Variants in TPTE2 observed in about 807,000 individuals in gnomAD.
TPTE2 encodes the protein phosphatidylinositol 3,4,5-trisphosphate 3-phosphatase TPTE2.
In TPTE2, 53 loss-of-function variants were observed where a neutral mutation model predicts 78.6. That is an observed-to-expected ratio of 0.67 (90% CI 0.54 to 0.85). The LOEUF (loss-of-function observed/expected upper bound fraction) is 0.85, where lower values mean the gene tolerates loss of function less well. Among genes scored for constraint, TPTE2 ranks in the 40% least tolerant of loss-of-function variants. TPTE2 has a pLI of 0.00. For synonymous variants in TPTE2, 175 were observed against 206.2 expected (o/e 0.85, Z 1.30); for missense variants, 461 against 623.0 (o/e 0.74, Z 2.77).
At chr13:19,559,088 G>A in the TPTE2 span, among the ~76,000 whole-genome samples, 1 of 152,128 alleles carries the variant, frequency 6.6e-6, no homozygotes, top group Admixed American at 6.5e-5. Context: ...CACATTTCAG[G>A]ATCTGGTGTT....
the TPTE2 span, among the ~76,000 whole-genome samples, chr13:19,542,105 C>T: frequency 3.9e-5 from 6 of 152,082 alleles, no homozygotes; most frequent in Non-Finnish European, 5.9e-5. Context: ...TTCATAATAG[C>T]TTCTTTAAAA....
At chr13:19,560,638 G>C in the TPTE2 span, 1 of 1,567,854 alleles carries the variant, frequency 6.4e-7, no homozygotes, top group South Asian at 1.1e-5. Flanking sequence ...ATCAGGGCCA[G>C]CAGGGTCGGG....
At chr13:19,541,181 G>A (rs57697836), upstream of TPTE2, among the ~76,000 whole-genome samples, 333 of 152,304 alleles carry the variant, frequency 2.2e-3, 1 homozygote, top group African/African-American at 7.9e-3. Flanking sequence ...TTCTTGCCAG[G>A]TGGCTCATTC....
rs778679708 is a variant in TPTE2 at position 19,467,246 on chromosome 13, T to G, written c.491A>C (p.Lys164Thr). The G allele has an allele frequency of 9.4e-6, 15 of 1,589,512 alleles. No homozygotes were observed. In the African/African-American group the frequency reaches 1.8e-4, roughly 19 times the overall value. Residue 164 changes from lysine (K) to threonine (T), a missense_variant, in exon 7 of 20, where the codon AAG becomes ACG. Coordinates refer to ENST00000400230, the Ensembl canonical transcript of TPTE2. ...ATACCTGGGAATATTCCTAAGCAAC[T>G]TAATGTCAAAAAAAATGTAAATGAC...
intron 1 of TPTE2, among the ~76,000 whole-genome samples, chr13:19,512,247 T>C (rs374711195): frequency 1.8e-4 from 28 of 152,362 alleles, no homozygotes; most frequent in African/African-American, 6.7e-4. Context: ...ATTTAGGTTG[T>C]CTCTGAAAAG....
At chr13:19,499,176 T>A (rs569809573) in intron 1 of TPTE2, among the ~76,000 whole-genome samples, 6 of 151,970 alleles carry the variant, frequency 3.9e-5, no homozygotes, top group South Asian at 4.2e-4. Context: ...ACAAAGACAC[T>A]TAGACTCCCA....
chr13:19,473,842 C>T (rs1879775133), intron 6 of TPTE2, 72 bp downstream of exon 9: 13 of 1,337,968 alleles, frequency 9.7e-6, no homozygotes, highest in Non-Finnish European at 1.3e-5. Flanking sequence ...GATCCTCCCA[C>T]CTCAGCCTCC....
chr13:19,513,161 A>T (rs1239494851), intron 1 of TPTE2, among the ~76,000 whole-genome samples: 1 of 152,232 alleles, frequency 6.6e-6, no homozygotes, highest in Non-Finnish European at 1.5e-5. Context: ...AGTACCAATT[A>T]TATTTGAACA....
In TPTE2 at chr13:19,519,730, GTTC is replaced by G. The variant is rs141083537; in HGVS notation, c.-43-16456_-43-16454del. Reference sequence around the variant, plus strand: ...AAAGTGTGGACTCTGCAACTTCACTGTTCTTCTTCAAGATTGTTTTGGTTATTC... The same window carrying G: ...AAAGTGTGGACTCTGCAACTTCACTGTTCTTCAAGATTGTTTTGGTTATTC... On this transcript the variant is annotated intron_variant, in intron 1 of 17. Transcript: ENST00000390680. Among the ~76,000 whole-genome samples, 955 of 152,190 alleles carry G rather than the reference GTTC, an allele frequency of 6.3e-3. 10 individuals are homozygous for G. Among genetic ancestry groups the G allele is most frequent in the African/African-American group, 0.022 (927 of 41,530 alleles).
intron 1 of TPTE2, among the ~76,000 whole-genome samples, chr13:19,522,619 C>CTTTTTTTTTTTT (rs57248346): frequency 6.6e-5 from 8 of 121,648 alleles, no homozygotes; most frequent in South Asian, 2.5e-4. Flanking sequence ...CTTTTTTTTT[C>CTTTTTTTTTTTT]TTTTTTTTTT....
chr13:19,444,306 C>CAAAA (rs538483322), intron 13 of TPTE2, among the ~76,000 whole-genome samples: 1 of 39,772 alleles, frequency 2.5e-5, no homozygotes, highest in African/African-American at 8.6e-5. Flanking sequence ...GACTCTGCCA[C>CAAAA]AAAAAAAAAA....
chr13:19,518,771 G>A lies in TPTE2; in HGVS notation c.-43-15494C>T, dbSNP rs182369087. Among the ~76,000 whole-genome samples, 16 of 152,116 alleles carry A rather than the reference G, an allele frequency of 1.1e-4. No homozygotes were observed. In the East Asian group the frequency reaches 1.9e-3, roughly 18 times the overall value. ...AAGTCATCACTCCCATCTTCACAAC[G>A]GAAAAAAAGATAATCAAACTGAAAA... On this transcript the variant is annotated intron_variant, in intron 1 of 17. Coordinates refer to the TPTE2 transcript ENST00000390680.
At chr13:19,493,934 G>A (rs1279086976) in intron 1 of TPTE2, among the ~76,000 whole-genome samples, 1 of 152,198 alleles carries the variant, frequency 6.6e-6, no homozygotes, top group African/African-American at 2.4e-5. Context: ...CTAGAGGTCT[G>A]ACACAGGGGC....
chr13:19,488,904 C>T (rs1880815835), intron 3 of TPTE2, among the ~76,000 whole-genome samples: 2 of 152,144 alleles, frequency 1.3e-5, no homozygotes, highest in Non-Finnish European at 2.9e-5. Flanking sequence ...GAAGTCTAGC[C>T]TTGCTCACAA....
chr13:19,469,908 A>C (rs996992261), intron 6 of TPTE2, among the ~76,000 whole-genome samples: 3 of 152,198 alleles, frequency 2.0e-5, no homozygotes, highest in Non-Finnish European at 2.9e-5. Context: ...ATCAGTTCTA[A>C]TAGTTTTCTT....
At chr13:19,511,970 T>C (rs1227297730) in intron 1 of TPTE2, among the ~76,000 whole-genome samples, 3 of 152,172 alleles carry the variant, frequency 2.0e-5, no homozygotes, top group African/African-American at 7.2e-5. Context: ...ATACTGAACA[T>C]TGAAGATAGT....
At chr13:19,506,333 G>A (rs1258260141), upstream of TPTE2, among the ~76,000 whole-genome samples, 8 of 150,154 alleles carry the variant, frequency 5.3e-5, no homozygotes, top group Admixed American at 2.0e-4. Flanking sequence ...CACTACGCCC[G>A]GCTAATTTTT....
At chr13:19,463,069 T>C (rs943890534) in intron 10 of TPTE2, among the ~76,000 whole-genome samples, 58 of 152,106 alleles carry the variant, frequency 3.8e-4, no homozygotes, top group African/African-American at 1.4e-3. Flanking sequence ...CTGCAACCTC[T>C]ACCTCCTGGA....
the TPTE2 span, among the ~76,000 whole-genome samples, chr13:19,556,009 C>T: frequency 6.6e-6 from 1 of 151,898 alleles, no homozygotes; most frequent in Admixed American, 6.6e-5. Context: ...GACAGGGTTT[C>T]ACCATGTTGG....
Sources: gnomAD v4.1 joint callset for allele counts (sites outside exome capture counted in the v4.1 genomes callset) on GRCh38, gnomAD v4.1.1 for gene constraint, MANE v1.5 for transcripts, NCBI Gene and HGNC (gene_info 2026-07-23, HGNC 2026-07-21) for gene names.